The following UBASH3B variants were observed in gnomAD, a reference collection of about 807,000 sequenced individuals.
UBASH3B encodes the protein ubiquitin associated and SH3 domain containing B, also known as ubiquitin-associated and SH3 domain-containing protein B.
Under a neutral mutation model 83.4 loss-of-function variants are expected in UBASH3B, and 37 were observed. The ratio of observed to expected loss-of-function variants is 0.44; its 90% CI spans 0.34 to 0.58. UBASH3B has a LOEUF of 0.58. Among genes scored for constraint, UBASH3B ranks in the 20% least tolerant of loss-of-function variants. The pLI is 0.01. For synonymous variants in UBASH3B, 304 were observed against 318.3 expected, an observed-to-expected ratio of 0.96 and a Z score of 0.48; for missense variants, 657 against 827.2, an observed-to-expected ratio of 0.79 and a Z score of 2.52.
intron 1 of UBASH3B, among the ~76,000 whole-genome samples, chr11:122,731,187 T>G (rs913431259): frequency 1.3e-5 from 2 of 152,220 alleles, no homozygotes; most frequent in Non-Finnish European, 2.9e-5. Flanking sequence ...CCATCCTAAC[T>G]AAGCAATTAT....
chr11:122,782,032 C>T (rs1860864437), intron 4 of UBASH3B, among the ~76,000 whole-genome samples: 1 of 152,288 alleles, frequency 6.6e-6, no homozygotes, highest in South Asian at 2.1e-4. Flanking sequence ...CTTCTAGTTG[C>T]AACTTCTTCA....
intron 1 of UBASH3B, among the ~76,000 whole-genome samples, chr11:122,764,682 T>C (rs530613275): frequency 3.9e-5 from 6 of 152,370 alleles, no homozygotes; most frequent in Admixed American, 2.6e-4. Flanking sequence ...TATCAGAAAC[T>C]GAAGTCTCAA....
intron 1 of UBASH3B, among the ~76,000 whole-genome samples, chr11:122,771,191 CCTT>C (rs1303687379): frequency 6.6e-6 from 1 of 151,622 alleles, no homozygotes; most frequent in Non-Finnish European, 1.5e-5. Flanking sequence ...CTTCAGATGT[CCTT>C]CTGCTTTCCT....
chr11:122,690,214 T>TATATATATATTTTTATA (rs1863873410), intron 1 of UBASH3B, among the ~76,000 whole-genome samples: 1 of 52,684 alleles, frequency 1.9e-5, no homozygotes. Flanking sequence ...ATATATCCAA[T>TATATATATATTTTTATA]TATATATATA....
chr11:122,666,945 G>A (rs1344193616), intron 1 of UBASH3B, among the ~76,000 whole-genome samples: 4 of 151,630 alleles, frequency 2.6e-5, no homozygotes, highest in African/African-American at 7.3e-5. Flanking sequence ...CCAGACTAAG[G>A]GGATTACCCC....
chr11:122,750,943 C>T (rs146857022), intron 1 of UBASH3B, among the ~76,000 whole-genome samples: 1 of 152,174 alleles, frequency 6.6e-6, no homozygotes, highest in Non-Finnish European at 1.5e-5. Flanking sequence ...ATTTTATTAT[C>T]ATTTTCCCTG....
chr11:122,810,112 T>A lies in UBASH3B; in HGVS notation c.*226T>A, dbSNP rs902673788. The A allele has an allele frequency of 8.1e-6, 4 of 492,620 alleles. No individual in the cohort carries two copies. Among genetic ancestry groups the A allele is most frequent in the African/African-American group, 1.9e-5 (1 of 51,552 alleles). 30.5% of individuals were successfully genotyped at this position (492,620 alleles called of 1,614,324 possible). On this transcript the variant is annotated 3_prime_UTR_variant, in exon 14 of 14. Coordinates refer to ENST00000284273, the MANE Select transcript of UBASH3B (RefSeq NM_032873.5). ...TGGACTCTTGCCTAGCTCACAAGGC[T>A]TTGGAGAATTGTCTTCCTAAATCGG...
intron 9 of UBASH3B, among the ~76,000 whole-genome samples, chr11:122,798,260 G>A (rs190206330): frequency 4.3e-4 from 65 of 152,280 alleles, no homozygotes; most frequent in Middle Eastern, 6.8e-3. Context: ...AATATGACAT[G>A]TTGAGATTTT....
intron 1 of UBASH3B, among the ~76,000 whole-genome samples, chr11:122,678,869 T>C (rs1484120058): frequency 6.6e-6 from 1 of 152,228 alleles, no homozygotes; most frequent in East Asian, 1.9e-4. Flanking sequence ...TCGCCTGATT[T>C]GCTGCATAAT....
At position 122,809,742 on chromosome 11, in the gene UBASH3B, A is replaced by C. The variant is rs764120536; in HGVS notation, c.1813-7A>C. 4.3e-5 allele frequency: 70 copies of C among 1,613,902 alleles called. No individual in the cohort carries two copies. Among genetic ancestry groups the C allele is most frequent in the Non-Finnish European group, 5.6e-5 (66 of 1,180,002 alleles). ...AATATCCCCTTTCTTTACGACTCTT[A>C]CTTCAGATCCCATATCTGGGATTTT... On this transcript the variant is annotated splice_region_variant and splice_polypyrimidine_tract_variant and intron_variant, in intron 13 of 13. Coordinates refer to ENST00000284273, the MANE Select transcript of UBASH3B (RefSeq NM_032873.5).
chr11:122,749,692 A>G lies in UBASH3B; in HGVS notation c.162-26527A>G, dbSNP rs540675424. On this transcript the variant is annotated intron_variant, in intron 1 of 13. Coordinates refer to ENST00000284273, the MANE Select transcript of UBASH3B (RefSeq NM_032873.5). ...CCACACTGTCTTCTAACTCTAACAG[A>G]GTAATCGCTATTTGAGAGGTAATCA... Among the ~76,000 whole-genome samples the G allele has an allele frequency of 5.3e-5, 8 of 152,346 alleles. No individual in the cohort carries two copies. The East Asian group carries it at 1.5e-3, about 29-fold the overall frequency.
At chr11:122,707,801 C>T (rs1035586242) in intron 1 of UBASH3B, among the ~76,000 whole-genome samples, 16 of 151,946 alleles carry the variant, frequency 1.1e-4, no homozygotes, top group African/African-American at 3.1e-4. Flanking sequence ...TGTGTTCAAG[C>T]GATTCTTCTG....
Position 122,766,798 on chromosome 11 carries a change from T to A in UBASH3B, c.162-9421T>A, listed in dbSNP as rs1252691975. 3.3e-5 allele frequency among the ~76,000 whole-genome samples: 5 copies of A among 152,300 alleles called. No homozygotes were observed. The East Asian group carries it at 9.7e-4, about 29-fold the overall frequency. On this transcript the variant is annotated intron_variant, in intron 1 of 13. Coordinates refer to ENST00000284273, the MANE Select transcript of UBASH3B (RefSeq NM_032873.5). Reference sequence around the variant, plus strand: ...GTAAATAAAATAAAATAGGATATAGTAACAAACATCTTTGCTTGGCTCTGG... The same window carrying A: ...GTAAATAAAATAAAATAGGATATAGAAACAAACATCTTTGCTTGGCTCTGG...
At chr11:122,702,461 G>C (rs143729116) in intron 1 of UBASH3B, among the ~76,000 whole-genome samples, 274 of 152,066 alleles carry the variant, frequency 1.8e-3, no homozygotes, top group African/African-American at 6.3e-3. Context: ...ACCCTAGGTT[G>C]CAAGAAACGT....
intron 1 of UBASH3B, among the ~76,000 whole-genome samples, chr11:122,771,780 C>T (rs915170096): frequency 6.7e-6 from 1 of 149,362 alleles, no homozygotes; most frequent in African/African-American, 2.6e-5. Flanking sequence ...CACACACACA[C>T]ACACACACAC....
At chr11:122,771,373 C>T (rs1860639460) in intron 1 of UBASH3B, among the ~76,000 whole-genome samples, 1 of 152,100 alleles carries the variant, frequency 6.6e-6, no homozygotes, top group Non-Finnish European at 1.5e-5. Flanking sequence ...GCTGGGATTA[C>T]AGGCACCCAC....
chr11:122,693,680 C>T (rs1402993689), intron 1 of UBASH3B, among the ~76,000 whole-genome samples: 2 of 151,938 alleles, frequency 1.3e-5, no homozygotes, highest in East Asian at 3.9e-4. Flanking sequence ...GGAGACCAGC[C>T]TGCCCAACAT....
At chr11:122,770,548 A>G (rs11218802) in intron 1 of UBASH3B, among the ~76,000 whole-genome samples, 29,324 of 151,864 alleles carry the variant, frequency 0.19, 3,114 homozygotes, top group Middle Eastern at 0.28. Context: ...AGATGGCCCA[A>G]AAGAAGTGTC....
At chr11:122,726,452 C>T (rs1860743579) in intron 1 of UBASH3B, 1 of 150,250 alleles carries the variant, frequency 6.7e-6, no homozygotes, top group Non-Finnish European at 1.5e-5. Context: ...CGGATTCAAG[C>T]AATTTTCCTG....
Sources: allele counts gnomAD v4.1 joint callset (sites outside exome capture counted in the v4.1 genomes callset), GRCh38; gene constraint gnomAD v4.1.1; transcripts MANE v1.5; gene names NCBI Gene and HGNC (gene_info 2026-07-23, HGNC 2026-07-21).